Variants in SLC13A5 observed in about 807,000 individuals in gnomAD.
SLC13A5 encodes the protein Na(+)/citrate cotransporter.
A neutral mutation model predicts 56.5 loss-of-function variants in SLC13A5; 25 were observed. The observed-to-expected ratio is 0.44, with a 90% CI of 0.32 to 0.62. The LOEUF is 0.62. SLC13A5 is among the 20% of genes least tolerant of loss of function. The pLI is 0.04. For synonymous variants in SLC13A5, 307 were observed against 301.5 expected (o/e 1.02, Z -0.19); for missense variants, 649 against 737.8 (o/e 0.88, Z 1.39).
chr17:6,709,685 C>A (rs915096883), intron 1 of SLC13A5, among the ~76,000 whole-genome samples: 3 of 152,134 alleles, frequency 2.0e-5, no homozygotes, highest in Non-Finnish European at 4.4e-5. Context: ...CCCAGAAGAG[C>A]GTATGTATTA....
chr17:6,706,688 T>C lies in SLC13A5; in HGVS notation c.322A>G (p.Arg108Gly). The change falls in exon 3 of 12, where the codon AGG becomes GGG. Residue 108 changes from arginine (R) to glycine (G), a missense_variant. By Grantham distance (125) the Arg-to-Gly change is moderately radical. Coordinates refer to ENST00000433363, the MANE Select transcript of SLC13A5 (RefSeq NM_177550.5). ...CAGAGGAGCGTGCGCAGGGCGATCC[T>C]CTTGTGCAGGTTCCAGCGCTCCACA... Reference protein sequence around the residue: ...VAVERWNLHKRIALRTLLWVG... With the variant: ...VAVERWNLHKGIALRTLLWVG... 6.2e-7 allele frequency: 1 copy of C among 1,613,886 alleles called. No homozygotes were observed. The highest frequency in any genetic ancestry group is 8.5e-7 in the Non-Finnish European group (1 of 1,179,958).
rs1597649978 is a variant in SLC13A5 at position 6,685,307 on chromosome 17, C to T, written c.*900G>A. On this transcript the variant is annotated 3_prime_UTR_variant, in exon 12 of 12. Coordinates refer to ENST00000433363, the MANE Select transcript of SLC13A5 (RefSeq NM_177550.5). This position sits in a 1 kb window ranked among gnomAD's most constrained non-coding sequence, Gnocchi z 4.2. ...TGTGGCCCCCAGAGCGCCATCACTGCCCATACTTGGAGTGTGATCCTAGCT... is the reference window on the plus strand; with the variant it reads ...TGTGGCCCCCAGAGCGCCATCACTGTCCATACTTGGAGTGTGATCCTAGCT... 2.0e-5 allele frequency: 3 copies of T among 152,346 alleles called. No individual in the cohort carries two copies. Among genetic ancestry groups the T allele is most frequent in the South Asian group, 4.1e-4 (2 of 4,822 alleles). 9.4% of individuals were successfully genotyped at this position (152,346 alleles called of 1,614,324 possible).
intron 3 of SLC13A5, among the ~76,000 whole-genome samples, chr17:6,706,009 T>C (rs1973854529): frequency 6.6e-6 from 1 of 152,220 alleles, no homozygotes; most frequent in South Asian, 2.1e-4. Flanking sequence ...AGGCAATTCA[T>C]AAGCTCCTGG....
rs1973290659 is a variant in SLC13A5, at chr17:6,687,780, G to A, written c.1438-114C>T. ...GGTACGTTTGAACCTCTGTGCCTCA[G>A]TCTTGGTTCCTCTCCCTTTTGCCAC... On this transcript the variant is annotated intron_variant, in intron 10 of 11. Coordinates refer to ENST00000433363, the MANE Select transcript of SLC13A5 (RefSeq NM_177550.5). This position sits in a 1 kb window ranked among gnomAD's most constrained non-coding sequence, Gnocchi z 5.0. 14 of 1,294,976 alleles carry A rather than the reference G, an allele frequency of 1.1e-5. No homozygotes were observed. Among genetic ancestry groups the A allele is most frequent in the Non-Finnish European group, 1.4e-5 (14 of 986,934 alleles). 80.2% of individuals were successfully genotyped at this position (1,294,976 alleles called of 1,614,324 possible). A position where few individuals can be genotyped will look rare whatever the true frequency, so the allele number is the denominator to read the frequency against.
At chr17:6,712,119 T>A (rs923137931) in intron 1 of SLC13A5, among the ~76,000 whole-genome samples, 1 of 152,194 alleles carries the variant, frequency 6.6e-6, no homozygotes, top group African/African-American at 2.4e-5. Flanking sequence ...CACAGGCACT[T>A]GGCTAAAGTC....
chr17:6,696,033 G>A lies in SLC13A5; in HGVS notation c.840-92C>T, dbSNP rs1479493717. 4.9e-6 allele frequency: 6 copies of A among 1,213,638 alleles called. No individual in the cohort carries two copies. In the African/African-American group the frequency reaches 6.0e-5, roughly 12 times the overall value. 75.2% of individuals were successfully genotyped at this position (1,213,638 alleles called of 1,614,324 possible). A position where few individuals can be genotyped will look rare whatever the true frequency, so the allele number is the denominator to read the frequency against. On this transcript the variant is annotated intron_variant, in intron 6 of 11. Transcript: ENST00000433363. ...CCTAAATGTTCTACAGCAGAATGTA[G>A]CAAAAAGACACATAATGCTGTCCTC...
chr17:6,708,993 C>CTTTTTTTT (rs575087645), intron 1 of SLC13A5, among the ~76,000 whole-genome samples: 11,738 of 132,334 alleles, frequency 0.089, 693 homozygotes, highest in Non-Finnish European at 0.13. Context: ...TCTTTTATTT[C>CTTTTTTTT]TTTTTTTTTT....
intron 6 of SLC13A5, among the ~76,000 whole-genome samples, chr17:6,699,125 C>T (rs1973643589): frequency 6.6e-6 from 1 of 151,108 alleles, no homozygotes; most frequent in Admixed American, 6.6e-5. Context: ...AGGAAAAGAG[C>T]GCTCGAAATC....
rs75114329 is a variant in SLC13A5 at position 6,686,118 on chromosome 17, G to A, written c.*89C>T. 0.02 allele frequency: 30,765 copies of A among 1,564,266 alleles called. 356 individuals are homozygous for A. Among genetic ancestry groups the A allele is most frequent in the Non-Finnish European group, 0.023 (26,386 of 1,148,394 alleles). Reference sequence around the variant, plus strand: ...GGACATCGTTGGGTCATTTTGGGGTGTGAACCCCAAAACTCTGTACAAGGT... The same window carrying A: ...GGACATCGTTGGGTCATTTTGGGGTATGAACCCCAAAACTCTGTACAAGGT... On this transcript the variant is annotated 3_prime_UTR_variant, in exon 12 of 12. Transcript: ENST00000433363.
intron 7 of SLC13A5, 57 bp from the exon 8 acceptor site, chr17:6,694,254 T>A: frequency 9.8e-7 from 1 of 1,017,480 alleles, no homozygotes; most frequent in Non-Finnish European, 1.5e-6. Context: ...AACAAACCCA[T>A]CACAACTCCG....
intron 2 of SLC13A5, 110 bp from the exon 3 acceptor site, chr17:6,706,888 G>T (rs544668100): frequency 5.1e-6 from 8 of 1,559,398 alleles, no homozygotes; most frequent in Non-Finnish European, 7.0e-6. Context: ...ATGCAGGCTC[G>T]AGTGGTGTCT....
At position 6,703,594 on chromosome 17, in the gene SLC13A5, C is replaced by T. The variant is rs189859734; in HGVS notation, c.547+284G>A. Among the ~76,000 whole-genome samples, 10 of 152,244 alleles carry T rather than the reference C, an allele frequency of 6.6e-5. No homozygotes were observed. The East Asian group carries it at 1.7e-3, about 26-fold the overall frequency. On this transcript the variant is annotated intron_variant, in intron 4 of 11. Transcript: ENST00000433363. ...GGAGTGAGGGGCATCCCTAAGTGCT[C>T]GAAAGATGCCCAAATGAATAATCAG... is the stretch of plus-strand genomic sequence containing the variant.
At position 6,696,365 on chromosome 17, in the gene SLC13A5, G is replaced by A. The variant is rs181663319; in HGVS notation, c.840-424C>T. On this transcript the variant is annotated intron_variant, in intron 6 of 11. Transcript: ENST00000433363. ...CATCACCAAGGTGGCTCAGGGAGAT[G>A]CAGGGAGTGAGTATGAACCCTGGCA... is the stretch of plus-strand genomic sequence containing the variant. Among the ~76,000 whole-genome samples the A allele has an allele frequency of 1.4e-4, 22 of 152,344 alleles. No individual in the cohort carries two copies. In the East Asian group the frequency reaches 1.5e-3, roughly 11 times the overall value.
intron 6 of SLC13A5, 119 bp downstream of exon 6, chr17:6,700,885 G>C: frequency 6.9e-7 from 1 of 1,439,472 alleles, no homozygotes; most frequent in Non-Finnish European, 9.5e-7. Flanking sequence ...AGACAGGGCT[G>C]GAGAAAGATC....
At position 6,690,920 on chromosome 17, in the gene SLC13A5, C is replaced by T. The variant is rs1973391108; in HGVS notation, c.1296G>A (p.Trp432Ter). Residue 432 changes from tryptophan (W) to a stop codon, truncating the protein, a stop_gained, in exon 10 of 12, where the codon TGG becomes TGA. Coordinates refer to ENST00000433363, the MANE Select transcript of SLC13A5 (RefSeq NM_177550.5). LOFTEE classifies it high-confidence loss of function. ...GCAAGGGCTCCATCTGCTTCCCCAT[C>T]CACACGGACAGCCCCGAGGCCTGGG... is the stretch of plus-strand genomic sequence containing the variant. ...KGSEASGLSV[W>*]MGKQMEPLHA... 2 of 1,611,704 alleles carry T rather than the reference C, an allele frequency of 1.2e-6. No homozygotes were observed. The highest frequency in any genetic ancestry group is 2.7e-5 in the African/African-American group (2 of 74,910).
rs973552352 is a variant in SLC13A5 at position 6,704,292 on chromosome 17, G to A, written c.369-236C>T. ...TGCCTCTCCCACACCCATGACTGAT[G>A]TCTACTCTGCTTGCTTCTGGGGTTA... On this transcript the variant is annotated intron_variant, in intron 3 of 11. Transcript: ENST00000433363. 1.5e-5 allele frequency: 10 copies of A among 663,210 alleles called. No homozygotes were observed. The African/African-American group carries it at 1.6e-4, about 11-fold the overall frequency. 41.1% of individuals were successfully genotyped at this position (663,210 alleles called of 1,614,324 possible).
rs887599457 is a variant in SLC13A5, at chr17:6,686,034, A to T, written c.*173T>A. On this transcript the variant is annotated 3_prime_UTR_variant, in exon 12 of 12. Coordinates refer to ENST00000433363, the MANE Select transcript of SLC13A5 (RefSeq NM_177550.5). ...GCCTACCCTCCAGCTGCCCATGACC[A>T]TCTCTGCATCTGGGCTTGGAGGAAG... The T allele has an allele frequency of 6.7e-6, 6 of 892,168 alleles. No homozygotes were observed. The African/African-American group carries it at 1.0e-4, about 15-fold the overall frequency. The allele number at this position is 892,168 out of a possible 1,614,324, so 55.3% of individuals were successfully genotyped here. A position where few individuals can be genotyped will look rare whatever the true frequency, so the allele number is the denominator to read the frequency against.
At chr17:6,698,554 C>A (rs1254470081) in intron 6 of SLC13A5, among the ~76,000 whole-genome samples, 1 of 152,210 alleles carries the variant, frequency 6.6e-6, no homozygotes, top group Non-Finnish European at 1.5e-5. Flanking sequence ...CAACCCTCAG[C>A]CTCCCCAAGA....
rs1459970615 is a variant in SLC13A5, at chr17:6,686,169, G to A, written c.*38C>T. The A allele has an allele frequency of 2.5e-6, 4 of 1,613,282 alleles. No individual in the cohort carries two copies. The highest frequency in any genetic ancestry group is 3.4e-6 in the Non-Finnish European group (4 of 1,179,554). ...GTGCCAGAAGGTTCGGTAGTCCTGAGGAGGGTAAGGGCTGTGTGTGTGGTC... is the reference window on the plus strand; with the variant it reads ...GTGCCAGAAGGTTCGGTAGTCCTGAAGAGGGTAAGGGCTGTGTGTGTGGTC... On this transcript the variant is annotated 3_prime_UTR_variant, in exon 12 of 12. Transcript: ENST00000433363.
Sources: gnomAD v4.1 joint callset for allele counts (sites outside exome capture counted in the v4.1 genomes callset) on GRCh38, gnomAD v4.1.1 for gene constraint, Gnocchi (gnomAD v3.1) non-coding constraint, MANE v1.5 for transcripts, NCBI Gene and HGNC (gene_info 2026-07-23, HGNC 2026-07-21) for gene names.